NXN: variants seen among roughly 807,000 people sequenced by gnomAD.
The protein encoded by NXN is nucleoredoxin 1.
NXN carries 16 observed loss-of-function variants against 48.6 expected under a neutral mutation model. That is an observed-to-expected ratio of 0.33 (90% CI 0.22 to 0.50). The LOEUF is 0.50. NXN is among the 20% of genes least tolerant of loss of function. The pLI is 0.98. For missense variants in NXN, 492 were observed against 605.5 expected, an observed-to-expected ratio of 0.81 and a Z score of 1.97; for synonymous variants, 281 against 269.6, an observed-to-expected ratio of 1.04 and a Z score of -0.41.
chr17:899,240 G>A (rs1432934616), intron 1 of NXN, among the ~76,000 whole-genome samples: 1 of 152,114 alleles, frequency 6.6e-6, no homozygotes, highest in Non-Finnish European at 1.5e-5. Context: ...TTACAGGCGT[G>A]AGCCACCGCA....
intron 1 of NXN, among the ~76,000 whole-genome samples, chr17:889,299 A>AT (rs1193148520): frequency 6.6e-6 from 1 of 152,240 alleles, no homozygotes; most frequent in East Asian, 1.9e-4. Flanking sequence ...TCAGTGATGA[A>AT]GCTACCGTTG....
At chr17:831,104 G>C (rs919029437) in intron 1 of NXN, among the ~76,000 whole-genome samples, 4 of 151,892 alleles carry the variant, frequency 2.6e-5, no homozygotes, top group Admixed American at 2.6e-4. Context: ...ACAGGAAAAA[G>C]GGCGAGACCT....
chr17:880,616 C>T (rs1364904771), intron 1 of NXN, among the ~76,000 whole-genome samples: 1 of 152,068 alleles, frequency 6.6e-6, no homozygotes, highest in Non-Finnish European at 1.5e-5. Context: ...TAAAGCCAAA[C>T]AATGAGACTC....
Position 805,219 on chromosome 17 carries a change from C to T in NXN, c.849G>A (p.Pro283=), listed in dbSNP as rs372647302. Residue 283 remains proline, a synonymous_variant, in exon 6 of 8, where the codon CCG becomes CCA. Transcript: ENST00000336868. Reference sequence around the variant, plus strand: ...CCTGCCGCGTGATCACCTCGCCCTGCGGGTCCAGCATGATGAGCGTGGGGA... The same window carrying T: ...CCTGCCGCGTGATCACCTCGCCCTGTGGGTCCAGCATGATGAGCGTGGGGA... The part of the protein sequence containing the change: ...QGIPTLIMLD[P]QGEVITRQGR... 3.4e-5 allele frequency: 55 copies of T among 1,611,498 alleles called. No homozygotes were observed. Among genetic ancestry groups the T allele is most frequent in the Middle Eastern group, 1.7e-4 (1 of 6,044 alleles).
chr17:897,237 C>T (rs1455136596), intron 1 of NXN, among the ~76,000 whole-genome samples: 2 of 152,182 alleles, frequency 1.3e-5, no homozygotes, highest in Non-Finnish European at 2.9e-5. Context: ...AGGGCTGTTC[C>T]CACCCTCCAG....
chr17:827,659 C>T (rs1188060141), intron 1 of NXN, among the ~76,000 whole-genome samples: 1 of 152,144 alleles, frequency 6.6e-6, no homozygotes, highest in Non-Finnish European at 1.5e-5. Context: ...CATTGTTGGG[C>T]TGTGTTCCTC....
chr17:838,856 G>A (rs913446086), intron 1 of NXN, among the ~76,000 whole-genome samples: 17 of 152,290 alleles, frequency 1.1e-4, no homozygotes, highest in Non-Finnish European at 1.8e-4. Context: ...CCACCGTTCC[G>A]GGTTGAGTTT....
rs529308655 is a variant in NXN, at chr17:974,660, G to A, written c.360+4659C>T. On this transcript the variant is annotated intron_variant, in intron 1 of 7. Coordinates refer to ENST00000336868, the MANE Select transcript of NXN (RefSeq NM_022463.5). ...AGCTAATAAACGGCAGAGCGGGGGC[G>A]TGAACTCAAGCAGAAGGACAAAAGA... 1.3e-4 allele frequency among the ~76,000 whole-genome samples: 19 copies of A among 151,686 alleles called. No homozygotes were observed. In the East Asian group the frequency reaches 1.7e-3, roughly 14 times the overall value.
At chr17:818,005 T>C (rs955060263) in intron 5 of NXN, among the ~76,000 whole-genome samples, 2 of 152,152 alleles carry the variant, frequency 1.3e-5, no homozygotes, top group East Asian at 3.9e-4. Flanking sequence ...ACGCCTGTCA[T>C]CCCAGCACTT....
chr17:816,326 C>G (rs919522770), intron 5 of NXN, among the ~76,000 whole-genome samples: 2 of 140,720 alleles, frequency 1.4e-5, no homozygotes, highest in South Asian at 4.7e-4. Context: ...TACAGCCCCC[C>G]AGACCTTCAC....
At chr17:807,360 G>A (rs1234795827) in intron 5 of NXN, among the ~76,000 whole-genome samples, 1 of 152,218 alleles carries the variant, frequency 6.6e-6, no homozygotes, top group Non-Finnish European at 1.5e-5. Context: ...GCCTGCGTGT[G>A]CCCCGGCGTG....
rs578134510 is a variant in NXN, at chr17:932,879, C to T, written c.360+46440G>A. On this transcript the variant is annotated intron_variant, in intron 1 of 7. Transcript: ENST00000336868. This position sits in a 1 kb window ranked among gnomAD's most constrained non-coding sequence, Gnocchi z 4.1. ...GCCAGGCTGGTCTCGAACTCCTGAC[C>T]TCAGGTGATCCGCCCGCCTCGGCCT... Among the ~76,000 whole-genome samples the T allele has an allele frequency of 1.4e-3, 216 of 152,304 alleles. No individual in the cohort carries two copies. The highest frequency in any genetic ancestry group is 2.5e-3 in the Non-Finnish European group (172 of 68,030).
intron 1 of NXN, among the ~76,000 whole-genome samples, chr17:843,600 C>T (rs1045799390): frequency 1.3e-5 from 2 of 152,144 alleles, no homozygotes; most frequent in African/African-American, 4.8e-5. Flanking sequence ...TGGGAGTTTG[C>T]ATAGGAGGGG....
intron 1 of NXN, among the ~76,000 whole-genome samples, chr17:871,112 C>A (rs921625603): frequency 4.3e-4 from 66 of 152,006 alleles, no homozygotes; most frequent in African/African-American, 1.6e-3. Flanking sequence ...CCGCCCACCT[C>A]GGCCTCCCAA....
At chr17:960,673 T>G (rs2069225815) in intron 1 of NXN, among the ~76,000 whole-genome samples, 3 of 152,108 alleles carry the variant, frequency 2.0e-5, no homozygotes, top group African/African-American at 7.2e-5. Flanking sequence ...AAACAAGGTC[T>G]TGCTATATTG....
chr17:825,343 C>G lies in NXN; in HGVS notation c.478+618G>C, dbSNP rs993440094. 3.9e-5 allele frequency among the ~76,000 whole-genome samples: 6 copies of G among 152,128 alleles called. No homozygotes were observed. Among genetic ancestry groups the G allele is most frequent in the African/African-American group, 1.4e-4 (6 of 41,444 alleles). ...GGAAAATGTGTGAGCGGGGTTGAAT[C>G]TTCTCACTGGACGGATTAAGTGAGG... is the stretch of plus-strand genomic sequence containing the variant. On this transcript the variant is annotated intron_variant, in intron 2 of 7. Coordinates refer to ENST00000336868, the MANE Select transcript of NXN (RefSeq NM_022463.5). This position sits in a 1 kb window ranked among gnomAD's most constrained non-coding sequence, Gnocchi z 4.1.
intron 1 of NXN, among the ~76,000 whole-genome samples, chr17:913,680 A>G (rs1214265657): frequency 6.6e-6 from 1 of 151,650 alleles, no homozygotes; most frequent in African/African-American, 2.4e-5. Flanking sequence ...TCCCCAGGCA[A>G]TGCAGAGACC....
intron 1 of NXN, among the ~76,000 whole-genome samples, chr17:831,561 G>A (rs552846916): frequency 7.2e-5 from 11 of 151,982 alleles, no homozygotes; most frequent in Admixed American, 6.6e-4. Context: ...TCCGCTCACT[G>A]CAACCTCCCC....
At position 938,888 on chromosome 17, in the gene NXN, C is replaced by T. The variant is rs150254172; in HGVS notation, c.360+40431G>A. On this transcript the variant is annotated intron_variant, in intron 1 of 7. Coordinates refer to ENST00000336868, the MANE Select transcript of NXN (RefSeq NM_022463.5). ...CAGCCTGGCCAACATGGCAAAACCC[C>T]GTCTCTACTAAAAATTAGCTGGGTG... 5.8e-3 allele frequency among the ~76,000 whole-genome samples: 876 copies of T among 151,968 alleles called. 13 individuals are homozygous for T. The highest frequency in any genetic ancestry group is 0.02 in the African/African-American group (847 of 41,464).
Sources: gnomAD v4.1 joint callset for allele counts (sites outside exome capture counted in the v4.1 genomes callset) on GRCh38, gnomAD v4.1.1 for gene constraint, Gnocchi (gnomAD v3.1) non-coding constraint, MANE v1.5 for transcripts, NCBI Gene and HGNC (gene_info 2026-07-23, HGNC 2026-07-21) for gene names.